Variants in PARP11 observed in about 807,000 individuals in gnomAD.
The protein encoded by PARP11 is poly(ADP-ribose) polymerase family member 11.
In PARP11, 31 loss-of-function variants were observed where a neutral mutation model predicts 42.9. The ratio of observed to expected loss-of-function variants is 0.72; its 90% confidence interval spans 0.54 to 0.98. The LOEUF is 0.98. Among genes scored for constraint, PARP11 ranks in the 50% least tolerant of loss-of-function variants. The pLI is 0.00. For missense variants in PARP11, 365 were observed against 413.1 expected, an observed-to-expected ratio of 0.88 and a Z score of 1.01; for synonymous variants, 137 against 127.3, an observed-to-expected ratio of 1.08 and a Z score of -0.51.
In PARP11 at chr12:3,873,249, G is replaced by T; in HGVS notation, c.-20C>A. 1 of 1,550,008 alleles carries T rather than the reference G, an allele frequency of 6.5e-7. No individual in the cohort carries two copies. Among genetic ancestry groups the T allele is most frequent in the Non-Finnish European group, 8.7e-7 (1 of 1,146,288 alleles). Reference sequence around the variant, plus strand: ...CCACATAACGGTGACAAAATCGAGCGGAGAGAGCCTGTGGGAAGGGGCTAG... The same window carrying T: ...CCACATAACGGTGACAAAATCGAGCTGAGAGAGCCTGTGGGAAGGGGCTAG... On this transcript the variant is annotated 5_prime_UTR_variant, in exon 1 of 8. Coordinates refer to ENST00000228820, the MANE Select transcript of PARP11 (RefSeq NM_020367.6).
chr12:3,827,526 T>A (rs924369639), intron 3 of PARP11, among the ~76,000 whole-genome samples: 1 of 152,100 alleles, frequency 6.6e-6, no homozygotes, highest in Non-Finnish European at 1.5e-5. Context: ...TAAAAATGCC[T>A]ACCAGATACC....
At chr12:3,841,442 A>G (rs1224652381) in intron 1 of PARP11, 1 of 1,351,168 alleles carries the variant, frequency 7.4e-7, no homozygotes, top group African/African-American at 1.4e-5. Context: ...GCCGCCCAGA[A>G]TTAAAGTGAT....
At chr12:3,836,067 A>G (rs1183405826) in intron 1 of PARP11, among the ~76,000 whole-genome samples, 1 of 151,962 alleles carries the variant, frequency 6.6e-6, no homozygotes, top group African/African-American at 2.4e-5. Context: ...ACACACATAT[A>G]TATGTGTGTG....
intron 1 of PARP11, among the ~76,000 whole-genome samples, chr12:3,831,702 T>G (rs1206460975): frequency 3.9e-5 from 6 of 152,202 alleles, no homozygotes; most frequent in Non-Finnish European, 8.8e-5. Context: ...TAAATTTGGT[T>G]GGCTTCTAAG....
chr12:3,852,225 TCTC>T (rs1433379477), intron 1 of PARP11, among the ~76,000 whole-genome samples: 5 of 152,278 alleles, frequency 3.3e-5, no homozygotes, highest in African/African-American at 1.2e-4. Flanking sequence ...GAGCACCTCT[TCTC>T]CTCCAAAGGA....
intron 1 of PARP11, chr12:3,839,428 G>A (rs1034933873): frequency 1.5e-4 from 241 of 1,598,066 alleles, no homozygotes; most frequent in Non-Finnish European, 1.9e-4. Flanking sequence ...CGCCAAGGAC[G>A]GGTCGTGCCT....
intron 1 of PARP11, chr12:3,841,454 G>C: frequency 1.5e-6 from 2 of 1,370,082 alleles, no homozygotes; most frequent in Non-Finnish European, 2.1e-6. Flanking sequence ...TAAAGTGATT[G>C]TACCTGTACT....
intron 1 of PARP11, chr12:3,839,358 C>A (rs575431072): frequency 3.2e-5 from 49 of 1,537,992 alleles, no homozygotes; most frequent in Middle Eastern, 3.6e-4. Flanking sequence ...CGGGGCCCCG[C>A]GAGGACGCGA....
At chr12:3,819,202 A>C (rs971636909) in intron 6 of PARP11, among the ~76,000 whole-genome samples, 10 of 152,218 alleles carry the variant, frequency 6.6e-5, no homozygotes, top group African/African-American at 2.4e-4. Flanking sequence ...CATCGCATAC[A>C]ATAAGTGAGG....
chr12:3,865,536 A>C (rs1172591216), intron 1 of PARP11, among the ~76,000 whole-genome samples: 3 of 152,138 alleles, frequency 2.0e-5, no homozygotes, highest in Non-Finnish European at 4.4e-5. Context: ...TTAAAGCTCT[A>C]ATATTGGATG....
intron 1 of PARP11, among the ~76,000 whole-genome samples, chr12:3,852,777 G>A (rs1419341455): frequency 1.3e-5 from 2 of 152,128 alleles, no homozygotes; most frequent in African/African-American, 4.8e-5. Context: ...AGGAAATACA[G>A]AGAACACCAC....
At chr12:3,866,435 A>T (rs1207279733) in intron 1 of PARP11, among the ~76,000 whole-genome samples, 1 of 152,166 alleles carries the variant, frequency 6.6e-6, no homozygotes, top group Non-Finnish European at 1.5e-5. Context: ...GAGATATTTC[A>T]CAGGCATTTT....
intron 7 of PARP11, 69 bp from the exon 8 acceptor site, chr12:3,812,508 T>C (rs1185889467): frequency 8.6e-7 from 1 of 1,161,660 alleles, no homozygotes; most frequent in Non-Finnish European, 1.2e-6. Context: ...GCAAAAACAT[T>C]TTGTCAGGAG....
At chr12:3,828,461 T>C (rs1013944661) in intron 3 of PARP11, among the ~76,000 whole-genome samples, 4 of 150,886 alleles carry the variant, frequency 2.7e-5, no homozygotes, top group South Asian at 4.2e-4. Context: ...AGGCAGAGAA[T>C]TGCTTGAACC....
chr12:3,842,622 C>T (rs1947914880), intron 1 of PARP11: 1 of 741,368 alleles, frequency 1.3e-6, no homozygotes, highest in Non-Finnish European at 2.3e-6. Context: ...ACTCTTTCCT[C>T]TCCCCAGCCT....
chr12:3,821,815 G>A, intron 6 of PARP11, 58 bp downstream of exon 6: 1 of 1,520,624 alleles, frequency 6.6e-7, no homozygotes, highest in Non-Finnish European at 8.9e-7. Flanking sequence ...CAATATTTAT[G>A]TTTTAACCAT....
At chr12:3,856,423 G>A (rs1266047562) in intron 1 of PARP11, among the ~76,000 whole-genome samples, 2 of 152,024 alleles carry the variant, frequency 1.3e-5, no homozygotes, top group Admixed American at 6.6e-5. Flanking sequence ...AAATTTACAA[G>A]AAAAAAATCA....
intron 2 of PARP11, among the ~76,000 whole-genome samples, 156 bp from the exon 3 acceptor site, chr12:3,829,186 T>C (rs1381348853): frequency 1.3e-5 from 2 of 152,182 alleles, no homozygotes; most frequent in Non-Finnish European, 2.9e-5. Context: ...GAATCACAAC[T>C]AAGCCAGCAT....
chr12:3,851,284 G>A (rs1948091604), intron 1 of PARP11, among the ~76,000 whole-genome samples: 1 of 152,180 alleles, frequency 6.6e-6, no homozygotes, highest in Non-Finnish European at 1.5e-5. Context: ...CCCACAGAGG[G>A]CAAGCCGAAG....
Sources: allele counts gnomAD v4.1 joint callset (sites outside exome capture counted in the v4.1 genomes callset), GRCh38; gene constraint gnomAD v4.1.1; transcripts MANE v1.5; gene names NCBI Gene and HGNC (gene_info 2026-07-23, HGNC 2026-07-21).